Variants in IGSF21 observed in about 807,000 individuals in gnomAD.
IGSF21 encodes immunoglobulin superfamily member 21.
In IGSF21, 28 loss-of-function variants were observed where a neutral mutation model predicts 46.8. The ratio of observed to expected loss-of-function variants is 0.60; its 90% CI spans 0.44 to 0.82. The LOEUF (loss-of-function observed/expected upper bound fraction) is 0.82. IGSF21 is among the 40% of genes least tolerant of loss of function. IGSF21 has a pLI of 0.00. For synonymous variants in IGSF21, 284 were observed against 273.6 expected (o/e 1.04, Z -0.38); for missense variants, 624 against 665.5 (o/e 0.94, Z 0.69).
At chr1:18,352,532 A>G (rs1237889500) in intron 4 of IGSF21, among the ~76,000 whole-genome samples, 1 of 152,164 alleles carries the variant, frequency 6.6e-6, no homozygotes, top group Non-Finnish European at 1.5e-5. Context: ...AGGTTAAGGG[A>G]CTAGTCTTGA....
chr1:18,158,945 G>A (rs1008524548), intron 1 of IGSF21, among the ~76,000 whole-genome samples: 1 of 152,220 alleles, frequency 6.6e-6, no homozygotes, highest in Non-Finnish European at 1.5e-5. Flanking sequence ...CCCAGAGGTA[G>A]GAGGTGCTGA....
intron 6 of IGSF21, among the ~76,000 whole-genome samples, chr1:18,369,726 T>C (rs1443755175): frequency 6.6e-6 from 1 of 152,148 alleles, no homozygotes; most frequent in Non-Finnish European, 1.5e-5. Flanking sequence ...GTGGGATGTG[T>C]CTCCCTGCAA....
At chr1:18,354,944 TTTCCA>T (rs2085999616) in intron 4 of IGSF21, among the ~76,000 whole-genome samples, 1 of 152,022 alleles carries the variant, frequency 6.6e-6, no homozygotes, top group South Asian at 2.1e-4. Flanking sequence ...TTATGTTTAT[TTTCCA>T]TTTGCTTCTC....
chr1:18,279,614 G>A (rs533979453), intron 2 of IGSF21, among the ~76,000 whole-genome samples: 1 of 152,340 alleles, frequency 6.6e-6, no homozygotes, highest in African/African-American at 2.4e-5. Context: ...CCAGTGAGTG[G>A]CTGAGCAGAG....
intron 1 of IGSF21, among the ~76,000 whole-genome samples, chr1:18,134,060 C>T (rs2086346630): frequency 6.6e-6 from 1 of 152,182 alleles, no homozygotes; most frequent in South Asian, 2.1e-4. Flanking sequence ...TCTATACCTT[C>T]AGGTAGCTAC....
intron 1 of IGSF21, among the ~76,000 whole-genome samples, chr1:18,182,526 C>T (rs576442585): frequency 6.6e-6 from 1 of 152,314 alleles, no homozygotes; most frequent in East Asian, 1.9e-4. Flanking sequence ...TTTCCTGAAC[C>T]TGTGGCATAT....
chr1:18,271,149 T>C (rs1186593757), intron 2 of IGSF21, among the ~76,000 whole-genome samples: 1 of 152,172 alleles, frequency 6.6e-6, no homozygotes, highest in Non-Finnish European at 1.5e-5. Flanking sequence ...TATGAAGCAT[T>C]GTCTCACTGC....
At chr1:18,327,773 G>T (rs1375145248) in intron 3 of IGSF21, among the ~76,000 whole-genome samples, 2 of 152,160 alleles carry the variant, frequency 1.3e-5, no homozygotes, top group Non-Finnish European at 2.9e-5. Context: ...AGCTTTTTGG[G>T]AGAGATGAGT....
intron 1 of IGSF21, among the ~76,000 whole-genome samples, chr1:18,223,693 C>G (rs895897117): frequency 6.6e-6 from 1 of 152,192 alleles, no homozygotes; most frequent in Non-Finnish European, 1.5e-5. Flanking sequence ...GATGTGCAAA[C>G]AGACAATTGC....
intron 1 of IGSF21, among the ~76,000 whole-genome samples, chr1:18,157,657 C>T (rs2124439707): frequency 6.6e-6 from 1 of 152,322 alleles, no homozygotes; most frequent in Non-Finnish European, 1.5e-5. Context: ...CCGTCTTCCT[C>T]CCAGCTGCAG....
rs370769309 is a variant in IGSF21, at chr1:18,304,075, G to C, written c.305+12088G>C. On this transcript the variant is annotated intron_variant, in intron 3 of 9. Coordinates refer to ENST00000251296, the MANE Select transcript of IGSF21 (RefSeq NM_032880.5). ...GGAGAGAAGAAATGGGGATGAATTA[G>C]GAAGCAGACCTGGCAGCACTCGCTG... Among the ~76,000 whole-genome samples, 16 of 152,260 alleles carry C rather than the reference G, an allele frequency of 1.1e-4. No individual in the cohort carries two copies. In the East Asian group the frequency reaches 2.7e-3, roughly 26 times the overall value.
intron 3 of IGSF21, among the ~76,000 whole-genome samples, chr1:18,297,441 C>T (rs1353765860): frequency 2.0e-5 from 3 of 151,996 alleles, no homozygotes; most frequent in Non-Finnish European, 4.4e-5. Context: ...AAGTGGTGAA[C>T]AAGACATAAT....
At chr1:18,143,918 A>G (rs1370235409) in intron 1 of IGSF21, among the ~76,000 whole-genome samples, 1 of 151,846 alleles carries the variant, frequency 6.6e-6, no homozygotes, top group Non-Finnish European at 1.5e-5. Context: ...CTGGGACCTC[A>G]CCGGGGCTGG....
intron 1 of IGSF21, among the ~76,000 whole-genome samples, chr1:18,152,393 T>C (rs1165931410): frequency 6.6e-6 from 1 of 152,096 alleles, no homozygotes; most frequent in East Asian, 1.9e-4. Flanking sequence ...AGGTGTGAGG[T>C]CAGAGCAGAT....
At chr1:18,149,813 T>C (rs964950346) in intron 1 of IGSF21, among the ~76,000 whole-genome samples, 4 of 152,200 alleles carry the variant, frequency 2.6e-5, no homozygotes, top group African/African-American at 7.2e-5. Context: ...ATCTGTAAAA[T>C]GAGAATCATT....
chr1:18,270,309 T>C (rs1262198055), intron 2 of IGSF21, among the ~76,000 whole-genome samples: 1 of 152,184 alleles, frequency 6.6e-6, no homozygotes, highest in Non-Finnish European at 1.5e-5. Flanking sequence ...CCCACTCTCT[T>C]GGCTCCATCC....
Position 18,365,616 on chromosome 1 carries a change from C to T in IGSF21, c.934C>T (p.Gln312Ter). The T allele has an allele frequency of 6.2e-7, 1 of 1,614,238 alleles. No individual in the cohort carries two copies. The highest frequency in any genetic ancestry group is 8.5e-7 in the Non-Finnish European group (1 of 1,180,046). The change falls in exon 6 of 10, where the codon CAG (glutamine) becomes TAG (stop). Residue 312 changes from glutamine (Q) to a stop codon, truncating the protein, a stop_gained. Coordinates refer to ENST00000251296, the MANE Select transcript of IGSF21 (RefSeq NM_032880.5). LOFTEE classifies it high-confidence loss of function. This position sits in a 1 kb window ranked among gnomAD's most constrained non-coding sequence, Gnocchi z 4.8. ...CCTGCTCACCTGGACCCTCAACCCA[C>T]AGATCGACAACGAGGCCCTCTTCAG... ...RALLTWTLNP[Q>*]IDNEALFSCE... is the part of the protein sequence containing the mutation.
chr1:18,244,666 A>G (rs2084767317), intron 2 of IGSF21, among the ~76,000 whole-genome samples: 1 of 152,238 alleles, frequency 6.6e-6, no homozygotes, highest in African/African-American at 2.4e-5. Context: ...ATGCTGCCAC[A>G]GAGGCCCCTG....
At chr1:18,359,377 A>T (rs1316197650) in intron 4 of IGSF21, among the ~76,000 whole-genome samples, 1 of 107,366 alleles carries the variant, frequency 9.3e-6, no homozygotes, top group African/African-American at 4.0e-5. Context: ...AAAGAAAGAA[A>T]GAAAGAAAGG....
Sources: gnomAD v4.1 joint callset for allele counts (sites outside exome capture counted in the v4.1 genomes callset) on GRCh38, gnomAD v4.1.1 for gene constraint, Gnocchi (gnomAD v3.1) non-coding constraint, MANE v1.5 for transcripts, NCBI Gene and HGNC (gene_info 2026-07-23, HGNC 2026-07-21) for gene names.